Variants in NDUFS8 observed in about 807,000 individuals in gnomAD.
NDUFS8 encodes the protein NADH:ubiquinone oxidoreductase core subunit S8, also known as NADH dehydrogenase [ubiquinone] iron-sulfur protein 8, mitochondrial.
Under a neutral mutation model 25.6 loss-of-function variants are expected in NDUFS8, and 13 were observed. The observed-to-expected ratio is 0.51, with a 90% CI of 0.33 to 0.81. NDUFS8 has a LOEUF of 0.81. Among genes scored for constraint, NDUFS8 ranks in the 30% least tolerant of loss-of-function variants. The pLI is 0.02. For synonymous variants in NDUFS8, 119 were observed against 119.4 expected, an observed-to-expected ratio of 1.00 and a Z score of 0.02; for missense variants, 257 against 300.9, an observed-to-expected ratio of 0.85 and a Z score of 1.08.
chr11:68,035,440 A>C (rs1104739), intron 5 of NDUFS8, among the ~76,000 whole-genome samples: 72,082 of 152,038 alleles, frequency 0.47, 18,634 homozygotes, highest in African/African-American at 0.69. Flanking sequence ...CAAAAAACAA[A>C]AACAACAACA....
chr11:68,036,178 A>G, intron 5 of NDUFS8, 75 bp from the exon 6 acceptor site: 3 of 1,603,362 alleles, frequency 1.9e-6, no homozygotes, highest in Admixed American at 3.3e-5. Flanking sequence ...AGGGGTGGGG[A>G]TGAGCAGTGA....
At chr11:68,032,517 T>G in intron 3 of NDUFS8, 181 bp downstream of exon 3, 1 of 1,506,626 alleles carries the variant, frequency 6.6e-7, no homozygotes, top group Admixed American at 2.0e-5. Context: ...GGTCCATCAT[T>G]GCCGAGGTTA....
chr11:68,032,393 G>T (rs1438510233), intron 3 of NDUFS8, 57 bp downstream of exon 3: 1 of 1,611,966 alleles, frequency 6.2e-7, no homozygotes, highest in Non-Finnish European at 8.5e-7. Flanking sequence ...TGCTGGAGTA[G>T]GGGAAGAGAC....
chr11:68,033,311 C>T (rs374206642), intron 5 of NDUFS8, 28 bp downstream of exon 5: 18 of 1,588,428 alleles, frequency 1.1e-5, no homozygotes, highest in Middle Eastern at 1.7e-4. Context: ...CCGGCCACCA[C>T]GCCAGCCCCT....
intron 5 of NDUFS8, 83 bp from the exon 6 acceptor site, chr11:68,036,170 G>C: frequency 6.2e-7 from 1 of 1,600,002 alleles, no homozygotes; most frequent in Non-Finnish European, 8.5e-7. Flanking sequence ...CAGACCCCAG[G>C]GGTGGGGATG....
In NDUFS8 at chr11:68,032,911, G is replaced by A. The variant is rs1565145966; in HGVS notation, c.110-12G>A. ...GCCTCTTGCCATGGCCTCCCTGCCCGCCTCTCTGCAGAGTATGTGAACATG... is the reference window on the plus strand; with the variant it reads ...GCCTCTTGCCATGGCCTCCCTGCCCACCTCTCTGCAGAGTATGTGAACATG... On this transcript the variant is annotated splice_polypyrimidine_tract_variant and intron_variant, in intron 3 of 6. Coordinates refer to ENST00000313468, the MANE Select transcript of NDUFS8 (RefSeq NM_002496.4). The A allele has an allele frequency of 4.3e-6, 7 of 1,613,442 alleles. No homozygotes were observed. Among genetic ancestry groups the A allele is most frequent in the East Asian group, 2.2e-5 (1 of 44,894 alleles).
chr11:68,034,359 C>G (rs116971201), intron 5 of NDUFS8: 2 of 152,314 alleles, frequency 1.3e-5, no homozygotes, highest in Non-Finnish European at 2.9e-5. Flanking sequence ...CTCAACCTCT[C>G]GGAACCTTGT....
intron 5 of NDUFS8, 99 bp downstream of exon 5, chr11:68,033,382 C>A: frequency 7.1e-7 from 1 of 1,403,672 alleles, no homozygotes; most frequent in Non-Finnish European, 9.8e-7. Context: ...GCTTGATGTG[C>A]GTCCCCAGGA....
chr11:68,034,919 AT>A (rs1854855544), intron 5 of NDUFS8: 1 of 152,074 alleles, frequency 6.6e-6, no homozygotes, highest in African/African-American at 2.4e-5. Context: ...AAATACAAAA[AT>A]TAGCCGGGTG....
chr11:68,035,827 G>T, intron 5 of NDUFS8: 1 of 406,046 alleles, frequency 2.5e-6, no homozygotes, highest in South Asian at 1.8e-5. Context: ...AGACCATCCT[G>T]GTCTACATGG....
chr11:68,035,852 T>C (rs1854876022), intron 5 of NDUFS8: 1 of 370,920 alleles, frequency 2.7e-6, no homozygotes, highest in Non-Finnish European at 5.3e-6. Flanking sequence ...ACCCCATCTC[T>C]ACTAAAAAAT....
At chr11:68,033,305 C>A (rs977615085) in intron 5 of NDUFS8, 22 bp downstream of exon 5, 6 of 1,591,162 alleles carry the variant, frequency 3.8e-6, no homozygotes, top group Non-Finnish European at 5.1e-6. Context: ...CCCCAACCGG[C>A]CACCACGCCA....
Position 68,036,538 on chromosome 11 carries a change from A to G in NDUFS8, c.578A>G (p.Asp193Gly), listed in dbSNP as rs1854896035. Residue 193 changes from aspartate (D) to glycine (G), a missense_variant, in exon 7 of 7, where the codon GAC (aspartate) becomes GGC (glycine). Asp to Gly is a moderately conservative substitution (Grantham distance 94). Transcript: ENST00000313468. ...AAGGAGAAGTTGCTCAACAACGGGG[A>G]CAAGTGGGAGGCCGAGATCGCCGCC... Reference protein sequence around the residue: ...YNKEKLLNNGDKWEAEIAANI... With the variant: ...YNKEKLLNNGGKWEAEIAANI... The G allele has an allele frequency of 1.2e-6, 2 of 1,614,052 alleles. No individual in the cohort carries two copies. The highest frequency in any genetic ancestry group is 4.5e-5 in the East Asian group (2 of 44,872).
At chr11:68,033,386 C>G in intron 5 of NDUFS8, 103 bp downstream of exon 5, 1 of 1,343,312 alleles carries the variant, frequency 7.4e-7, no homozygotes, top group Non-Finnish European at 1.0e-6. Flanking sequence ...GATGTGCGTC[C>G]CCAGGAAGTC....
chr11:68,032,044 G>A, intron 1 of NDUFS8, 108 bp from the exon 2 acceptor site: 1 of 1,537,196 alleles, frequency 6.5e-7, no homozygotes. Flanking sequence ...TGCGAGTAGA[G>A]GGCAAAGTGA....
chr11:68,035,974 GTGCTGC>G, intron 5 of NDUFS8: 2 of 423,128 alleles, frequency 4.7e-6, no homozygotes, highest in Non-Finnish European at 8.8e-6. Context: ...AGCCGAGATT[GTGCTGC>G]TGCACTCCAG....
intron 3 of NDUFS8, chr11:68,032,554 G>A: frequency 1.4e-6 from 2 of 1,463,496 alleles, no homozygotes; most frequent in African/African-American, 2.8e-5. Flanking sequence ...AGCTCCCTGG[G>A]TGTGATGGGG....
chr11:68,032,595 C>T, intron 3 of NDUFS8: 2 of 1,305,212 alleles, frequency 1.5e-6, no homozygotes, highest in South Asian at 2.9e-5. Flanking sequence ...CCATGGGTAC[C>T]TGTGCCTATT....
At chr11:68,032,498 CAG>C in intron 3 of NDUFS8, 162 bp downstream of exon 3, 2 of 1,522,672 alleles carry the variant, frequency 1.3e-6, no homozygotes, top group Non-Finnish European at 1.8e-6. Context: ...CTCTGATTCA[CAG>C]GGGCAGGGTC....
Sources: gnomAD v4.1 joint callset for allele counts (sites outside exome capture counted in the v4.1 genomes callset) on GRCh38, gnomAD v4.1.1 for gene constraint, MANE v1.5 for transcripts, NCBI Gene and HGNC (gene_info 2026-07-23, HGNC 2026-07-21) for gene names.